The following PHACTR4 variants were observed in gnomAD, a reference collection of about 807,000 sequenced individuals.
PHACTR4 encodes the protein protein phosphatase 1, regulatory subunit 124.
A neutral mutation model predicts 72.7 loss-of-function variants in PHACTR4; 51 were observed. The ratio of observed to expected loss-of-function variants is 0.70; its 90% CI spans 0.56 to 0.89. The LOEUF (loss-of-function observed/expected upper bound fraction) is 0.89. Ranked by LOEUF, PHACTR4 falls within the 40% of genes least tolerant of loss-of-function variation. The pLI is 0.00. For synonymous variants in PHACTR4, 255 were observed against 302.5 expected, an observed-to-expected ratio of 0.84 and a Z score of 1.63; for missense variants, 731 against 861.8, an observed-to-expected ratio of 0.85 and a Z score of 1.90.
intron 4 of PHACTR4, among the ~76,000 whole-genome samples, chr1:28,462,354 T>C (rs1193552586): frequency 6.6e-6 from 1 of 152,048 alleles, no homozygotes; most frequent in Non-Finnish European, 1.5e-5. Flanking sequence ...CCATGGCCTT[T>C]CTTTTCACCT....
At chr1:28,431,191 ACC>A (rs1557809137) in intron 2 of PHACTR4, among the ~76,000 whole-genome samples, 8 of 132,614 alleles carry the variant, frequency 6.0e-5, no homozygotes, top group African/African-American at 2.6e-4. Context: ...AAAAAAAAAA[ACC>A]AAAATATATA....
chr1:28,430,931 A>C (rs1471978513), intron 2 of PHACTR4, among the ~76,000 whole-genome samples: 1 of 152,086 alleles, frequency 6.6e-6, no homozygotes, highest in Admixed American at 6.6e-5. Context: ...TAATCCCAGC[A>C]CTTTGGGAGG....
intron 9 of PHACTR4, 59 bp downstream of exon 9, chr1:28,480,663 G>A: frequency 1.9e-6 from 3 of 1,588,404 alleles, no homozygotes; most frequent in Non-Finnish European, 2.6e-6. Flanking sequence ...TGTGTTAGAT[G>A]TTGTTAGATG....
chr1:28,419,877 T>C (rs1655398393), intron 2 of PHACTR4, among the ~76,000 whole-genome samples: 1 of 152,228 alleles, frequency 6.6e-6, no homozygotes, highest in African/African-American at 2.4e-5. Context: ...ACCACCTTTG[T>C]CTAGTGACAA....
At chr1:28,378,340 A>G (rs1245605167) in intron 1 of PHACTR4, among the ~76,000 whole-genome samples, 1 of 54,698 alleles carries the variant, frequency 1.8e-5, no homozygotes, top group East Asian at 2.4e-4. Context: ...CGTCTCTACT[A>G]AAAAAAAAAA....
intron 2 of PHACTR4, among the ~76,000 whole-genome samples, chr1:28,443,533 A>C (rs2124418199): frequency 6.6e-6 from 1 of 151,418 alleles, no homozygotes; most frequent in African/African-American, 2.4e-5. Context: ...CTGCAGCTTC[A>C]GCCTCCTAGA....
intron 4 of PHACTR4, among the ~76,000 whole-genome samples, chr1:28,465,190 C>T (rs1036191418): frequency 5.3e-5 from 8 of 152,010 alleles, no homozygotes; most frequent in Admixed American, 6.6e-5. Flanking sequence ...GGGCCGGGCA[C>T]GGTGGCTCAC....
chr1:28,436,144 ACCAAG>A (rs1656618703), intron 2 of PHACTR4, among the ~76,000 whole-genome samples: 1 of 152,248 alleles, frequency 6.6e-6, no homozygotes, highest in African/African-American at 2.4e-5. Flanking sequence ...AAGGGATTGT[ACCAAG>A]GACAAGCTAA....
intron 4 of PHACTR4, among the ~76,000 whole-genome samples, chr1:28,464,904 A>C (rs1250974121): frequency 6.6e-6 from 1 of 151,906 alleles, no homozygotes; most frequent in Non-Finnish European, 1.5e-5. Flanking sequence ...AGGTTTTACC[A>C]TGTTAGACAG....
chr1:28,456,306 T>G (rs1658381383), intron 2 of PHACTR4, among the ~76,000 whole-genome samples: 1 of 152,152 alleles, frequency 6.6e-6, no homozygotes, highest in South Asian at 2.1e-4. Flanking sequence ...CACATACTTT[T>G]AAACGACCAG....
chr1:28,489,686 G>C (rs934200563), intron 10 of PHACTR4: 11 of 478,884 alleles, frequency 2.3e-5, no homozygotes, highest in Admixed American at 6.6e-5. Flanking sequence ...TACCAAATGG[G>C]ACCATATATT....
chr1:28,380,627 A>G (rs1472590046), intron 1 of PHACTR4, among the ~76,000 whole-genome samples: 2 of 152,186 alleles, frequency 1.3e-5, no homozygotes, highest in Non-Finnish European at 2.9e-5. Context: ...AGTTTGCTAA[A>G]GATAATGGCC....
At chr1:28,383,693 G>T (rs960355136) in intron 1 of PHACTR4, among the ~76,000 whole-genome samples, 1 of 152,066 alleles carries the variant, frequency 6.6e-6, no homozygotes, top group African/African-American at 2.4e-5. Context: ...GATTTTTCAC[G>T]TTGATTTTGT....
chr1:28,390,423 A>G (rs1652919987), intron 1 of PHACTR4, among the ~76,000 whole-genome samples: 2 of 152,348 alleles, frequency 1.3e-5, no homozygotes, highest in Non-Finnish European at 2.9e-5. Context: ...CATTAGCAAC[A>G]GGAGCATTAA....
intron 2 of PHACTR4, among the ~76,000 whole-genome samples, chr1:28,453,218 C>A (rs1162738597): frequency 2.0e-5 from 3 of 152,154 alleles, no homozygotes; most frequent in Non-Finnish European, 4.4e-5. Flanking sequence ...TTGAAGTGAG[C>A]TCAAGTATTG....
intron 4 of PHACTR4, among the ~76,000 whole-genome samples, chr1:28,460,884 TCTGC>T: frequency 6.6e-6 from 1 of 152,146 alleles, no homozygotes; most frequent in East Asian, 1.9e-4. Flanking sequence ...CCTCAGGTGT[TCTGC>T]CCACCTCGGC....
At chr1:28,453,986 TG>T in intron 2 of PHACTR4, 1 of 489,370 alleles carries the variant, frequency 2.0e-6, no homozygotes, top group South Asian at 1.7e-5. Flanking sequence ...AAGGCCAAGG[TG>T]GGAGGATCCC....
chr1:28,476,929 C>T (rs1428906641), intron 8 of PHACTR4, among the ~76,000 whole-genome samples: 2 of 150,416 alleles, frequency 1.3e-5, no homozygotes, highest in African/African-American at 4.9e-5. Context: ...TGCCACCACA[C>T]CTGGCTAATT....
chr1:28,380,515 A>G (rs567552594), intron 1 of PHACTR4, among the ~76,000 whole-genome samples: 3 of 151,838 alleles, frequency 2.0e-5, no homozygotes, highest in Admixed American at 2.0e-4. Context: ...CCCATCCTCT[A>G]CTCTCCAATA....
Sources: allele counts gnomAD v4.1 joint callset (sites outside exome capture counted in the v4.1 genomes callset), GRCh38; gene constraint gnomAD v4.1.1; transcripts MANE v1.5; gene names NCBI Gene and HGNC (gene_info 2026-07-23, HGNC 2026-07-21).